CTNND2: variants seen among roughly 807,000 people sequenced by gnomAD.
CTNND2 encodes the protein catenin delta 2.
Under a neutral mutation model 144.4 loss-of-function variants are expected in CTNND2, and 22 were observed. The ratio of observed to expected loss-of-function variants is 0.15; its 90% CI spans 0.11 to 0.22. The LOEUF (loss-of-function observed/expected upper bound fraction) is 0.22. Ranked by LOEUF, CTNND2 falls within the 10% of genes least tolerant of loss-of-function variation. The pLI is 1.00. For synonymous variants in CTNND2, 751 were observed against 695.6 expected (o/e 1.08, Z -1.25); for missense variants, 1,353 against 1,618.8 (o/e 0.84, Z 2.82).
intron 9 of CTNND2, among the ~76,000 whole-genome samples, chr5:11,246,191 T>C (rs1177421720): frequency 1.3e-5 from 2 of 152,204 alleles, no homozygotes; most frequent in East Asian, 1.9e-4. Flanking sequence ...ATTAAAATTA[T>C]TAAAAGAGCA....
At chr5:11,115,528 G>A (rs1285777416) in intron 13 of CTNND2, among the ~76,000 whole-genome samples, 3 of 152,132 alleles carry the variant, frequency 2.0e-5, no homozygotes, top group African/African-American at 4.8e-5. Context: ...TGTCTATTAC[G>A]CTAACAAGCA....
intron 9 of CTNND2, among the ~76,000 whole-genome samples, chr5:11,282,265 T>C (rs1020882083): frequency 1.3e-5 from 2 of 152,178 alleles, no homozygotes; most frequent in African/African-American, 4.8e-5. Flanking sequence ...CTAAGCTTCC[T>C]ACCACAGCAC....
intron 14 of CTNND2, among the ~76,000 whole-genome samples, chr5:11,106,082 G>A (rs1311329378): frequency 3.9e-5 from 6 of 152,174 alleles, no homozygotes; most frequent in Admixed American, 1.3e-4. Flanking sequence ...TGCATGAAGT[G>A]ATAATAAAAA....
chr5:11,611,626 A>G (rs1257638569), intron 2 of CTNND2, among the ~76,000 whole-genome samples: 3 of 152,052 alleles, frequency 2.0e-5, no homozygotes, highest in Non-Finnish European at 4.4e-5. Context: ...ACAAATACAA[A>G]AATTAGCCAG....
At chr5:11,044,227 C>A (rs1485230946) in intron 16 of CTNND2, among the ~76,000 whole-genome samples, 1 of 152,184 alleles carries the variant, frequency 6.6e-6, no homozygotes, top group Non-Finnish European at 1.5e-5. Context: ...ACATGCCCTG[C>A]ACACTGCCCT....
chr5:11,212,456 A>C (rs1046079794), intron 10 of CTNND2, among the ~76,000 whole-genome samples: 3 of 152,214 alleles, frequency 2.0e-5, no homozygotes, highest in African/African-American at 7.2e-5. Context: ...CACGCTTTTT[A>C]AAGTTGAGAG....
At chr5:11,594,423 A>ATTTTTG (rs531631295) in intron 2 of CTNND2, among the ~76,000 whole-genome samples, 100 of 152,352 alleles carry the variant, frequency 6.6e-4, no homozygotes, top group African/African-American at 2.4e-3. Flanking sequence ...TGAAAGCTAT[A>ATTTTTG]ACAGGCATGC....
chr5:11,868,190 T>G (rs1795864949), intron 1 of CTNND2, among the ~76,000 whole-genome samples: 1 of 151,998 alleles, frequency 6.6e-6, no homozygotes. Context: ...CCAGCTGTGG[T>G]GCTGAGGATC....
intron 3 of CTNND2, among the ~76,000 whole-genome samples, chr5:11,418,940 C>T (rs765043694): frequency 1.3e-5 from 2 of 151,342 alleles, no homozygotes; most frequent in African/African-American, 2.4e-5. Context: ...TTTAGAAACA[C>T]TGAATAAACA....
chr5:11,463,263 T>C (rs1766378107), intron 3 of CTNND2, among the ~76,000 whole-genome samples: 1 of 152,208 alleles, frequency 6.6e-6, no homozygotes, highest in Non-Finnish European at 1.5e-5. Flanking sequence ...GTAAGAGTAA[T>C]CTATTAATCC....
intron 12 of CTNND2, among the ~76,000 whole-genome samples, chr5:11,142,723 C>T (rs1219898971): frequency 6.6e-6 from 1 of 151,372 alleles, no homozygotes; most frequent in Non-Finnish European, 1.5e-5. Flanking sequence ...ACGCCATTCT[C>T]CTGCCTCAGC....
chr5:11,797,719 A>G (rs10866486), intron 1 of CTNND2, among the ~76,000 whole-genome samples: 134,024 of 152,142 alleles, frequency 0.88, 60,992 homozygotes, highest in South Asian at 0.99. Flanking sequence ...AGTATCCTAG[A>G]AATTTAAGAT....
intron 10 of CTNND2, among the ~76,000 whole-genome samples, chr5:11,229,115 T>G (rs1169004048): frequency 6.6e-6 from 1 of 152,176 alleles, no homozygotes; most frequent in East Asian, 1.9e-4. Context: ...TTAAATTACA[T>G]CTTTATCAGT....
At chr5:11,646,730 CCTCT>C (rs1241096205) in intron 2 of CTNND2, among the ~76,000 whole-genome samples, 2 of 152,172 alleles carry the variant, frequency 1.3e-5, no homozygotes, top group Non-Finnish European at 2.9e-5. Flanking sequence ...TTCTTCCCTT[CCTCT>C]CTAAGACCCT....
At chr5:11,182,979 T>C (rs1013840508) in intron 11 of CTNND2, among the ~76,000 whole-genome samples, 3 of 152,222 alleles carry the variant, frequency 2.0e-5, no homozygotes, top group Non-Finnish European at 4.4e-5. Flanking sequence ...TTCCTTTCCA[T>C]TCACTAAGCA....
chr5:11,011,579 T>TC (rs1741087800), intron 18 of CTNND2, among the ~76,000 whole-genome samples: 1 of 152,184 alleles, frequency 6.6e-6, no homozygotes, highest in South Asian at 2.1e-4. Context: ...TCTGAAGCAC[T>TC]TTGAGATTCT....
intron 3 of CTNND2, among the ~76,000 whole-genome samples, chr5:11,546,977 A>C (rs1018147234): frequency 6.6e-5 from 10 of 152,206 alleles, no homozygotes; most frequent in Non-Finnish European, 1.5e-4. Flanking sequence ...AAATAGATTA[A>C]AGATTTTAAT....
At chr5:11,590,210 T>G (rs1189980151) in intron 2 of CTNND2, among the ~76,000 whole-genome samples, 1 of 151,730 alleles carries the variant, frequency 6.6e-6, no homozygotes, top group East Asian at 1.9e-4. Flanking sequence ...CAGGCCCGGG[T>G]AATTTTTTGT....
intron 1 of CTNND2, among the ~76,000 whole-genome samples, chr5:11,786,341 T>G (rs2126858873): frequency 6.6e-6 from 1 of 152,356 alleles, no homozygotes; most frequent in African/African-American, 2.4e-5. Flanking sequence ...GTTACTCTAT[T>G]AATTTATTAA....
Sources: allele counts gnomAD v4.1 joint callset (sites outside exome capture counted in the v4.1 genomes callset), GRCh38; gene constraint gnomAD v4.1.1; transcripts MANE v1.5; gene names NCBI Gene and HGNC (gene_info 2026-07-23, HGNC 2026-07-21).